ZFAT: variants seen among roughly 807,000 people sequenced by gnomAD.
ZFAT encodes zinc finger protein ZFAT.
Under a neutral mutation model 117.7 loss-of-function variants are expected in ZFAT, and 64 were observed. That is an observed-to-expected ratio of 0.54 (90% CI 0.44 to 0.67). The LOEUF is 0.67. ZFAT is among the 30% of genes least tolerant of loss of function. The pLI, the probability that ZFAT is intolerant of heterozygous loss-of-function variation, is 0.00. For synonymous variants in ZFAT, 679 were observed against 615.0 expected (o/e 1.10, Z -1.54); for missense variants, 1,433 against 1,584.5 (o/e 0.90, Z 1.62).
the ZFAT span, among the ~76,000 whole-genome samples, chr8:134,746,393 G>A: frequency 9.8e-5 from 15 of 152,294 alleles, no homozygotes; most frequent in African/African-American, 1.4e-4. Context: ...GTAGAACACC[G>A]CAAGACCATC....
chr8:134,825,291 C>T, the ZFAT span, among the ~76,000 whole-genome samples: 408 of 152,282 alleles, frequency 2.7e-3, 2 homozygotes, highest in African/African-American at 8.9e-3. Context: ...TGTTTTAGAA[C>T]GAAACAATTA....
At chr8:134,525,714 G>A (rs574536871) in intron 12 of ZFAT, among the ~76,000 whole-genome samples, 14 of 152,266 alleles carry the variant, frequency 9.2e-5, no homozygotes, top group Non-Finnish European at 1.8e-4. Flanking sequence ...CAGCACCTCC[G>A]CCCACTGCTT....
chr8:134,640,234 G>A (rs12543474), intron 2 of ZFAT, among the ~76,000 whole-genome samples: 1 of 152,102 alleles, frequency 6.6e-6, no homozygotes, highest in African/African-American at 2.4e-5. Context: ...AAAGCTGAGA[G>A]AGGCCGCAGG....
At chr8:134,498,154 T>C (rs80281316) in intron 15 of ZFAT, among the ~76,000 whole-genome samples, 3 of 40,390 alleles carry the variant, frequency 7.4e-5, no homozygotes, top group South Asian at 1.3e-3. Context: ...GGGGTGGAGC[T>C]GGGATGCCCC....
intron 1 of ZFAT, among the ~76,000 whole-genome samples, chr8:134,699,938 C>T (rs1833966611): frequency 6.6e-6 from 1 of 152,198 alleles, no homozygotes; most frequent in African/African-American, 2.4e-5. Context: ...AGCTAAGTGG[C>T]ATACAGGCAG....
chr8:134,502,167 T>A (rs1019515154), intron 15 of ZFAT, among the ~76,000 whole-genome samples: 2 of 152,232 alleles, frequency 1.3e-5, no homozygotes, highest in Admixed American at 1.3e-4. Flanking sequence ...ATGTTCAACA[T>A]CTGCCCCCCG....
At chr8:134,512,919 T>G (rs761680331) in intron 13 of ZFAT, among the ~76,000 whole-genome samples, 2 of 152,240 alleles carry the variant, frequency 1.3e-5, no homozygotes, top group Non-Finnish European at 2.9e-5. Flanking sequence ...TACACTTAGA[T>G]TCTAACGGCT....
chr8:134,644,014 T>C (rs1447065100), intron 2 of ZFAT, among the ~76,000 whole-genome samples: 1 of 152,194 alleles, frequency 6.6e-6, no homozygotes, highest in Non-Finnish European at 1.5e-5. Flanking sequence ...GATTTAAACA[T>C]AGACATCAAC....
At chr8:134,724,939 T>C in the ZFAT span, among the ~76,000 whole-genome samples, 4,475 of 152,218 alleles carry the variant, frequency 0.029, 223 homozygotes, top group African/African-American at 0.1. Flanking sequence ...CCTCTCCACC[T>C]GTGCTCTCCA....
the ZFAT span, among the ~76,000 whole-genome samples, chr8:134,734,972 G>T: frequency 6.6e-6 from 1 of 152,088 alleles, no homozygotes. Flanking sequence ...AGTCTCCAGG[G>T]CCATGAACCA....
At chr8:134,785,259 C>T in the ZFAT span, 1 of 152,216 alleles carries the variant, frequency 6.6e-6, no homozygotes, top group African/African-American at 2.4e-5. Context: ...GTAATTTGGA[C>T]ACTTCCTTTG....
chr8:134,807,054 AAC>A, the ZFAT span, among the ~76,000 whole-genome samples: 1 of 152,232 alleles, frequency 6.6e-6, no homozygotes, highest in East Asian at 1.9e-4. Context: ...AAATGGGCAA[AAC>A]ACACATGCAT....
intron 1 of ZFAT, among the ~76,000 whole-genome samples, chr8:134,668,324 C>T (rs1003706559): frequency 3.9e-5 from 6 of 152,200 alleles, no homozygotes; most frequent in Non-Finnish European, 7.3e-5. Flanking sequence ...GTCCCTGACC[C>T]CTGAGTAGCC....
At chr8:134,769,202 A>G in the ZFAT span, among the ~76,000 whole-genome samples, 2 of 152,206 alleles carry the variant, frequency 1.3e-5, no homozygotes, top group African/African-American at 4.8e-5. Flanking sequence ...AAAAGGCCAC[A>G]GTCCAAAGTC....
intron 15 of ZFAT, among the ~76,000 whole-genome samples, chr8:134,500,377 A>C (rs951199950): frequency 1.4e-4 from 22 of 152,226 alleles, no homozygotes; most frequent in Non-Finnish European, 1.5e-5. Flanking sequence ...AAAAGGAAGA[A>C]AAGTGAAGTT....
intron 1 of ZFAT, among the ~76,000 whole-genome samples, chr8:134,704,797 C>A (rs574338016): frequency 4.0e-5 from 6 of 151,682 alleles, no homozygotes; most frequent in Admixed American, 1.3e-4. Flanking sequence ...TGGATATCCA[C>A]GTGCAAGAAA....
At chr8:134,611,488 G>A (rs1828327269) in intron 3 of ZFAT, among the ~76,000 whole-genome samples, 1 of 152,212 alleles carries the variant, frequency 6.6e-6, no homozygotes, top group African/African-American at 2.4e-5. Flanking sequence ...GCCCTAGAGG[G>A]CCCTGAATGG....
Position 134,601,779 on chromosome 8 carries a change from C to T in ZFAT, c.1940G>A (p.Ser647Asn). The change falls in exon 6 of 16, where the codon AGC (serine) becomes AAC (asparagine). Residue 647 changes from serine (S) to asparagine (N), a missense_variant. Physicochemically the swap from Ser to Asn is conservative, Grantham distance 46. Coordinates refer to ENST00000377838, the MANE Select transcript of ZFAT (RefSeq NM_020863.4). ...CCCTAGGGGGCTCTGGGCGCCATGG[C>T]TTTCCTGATCTGACCCAGCACTCTG... ...KAQSAGSDQE[S>N]HGAQSPLGEG... is the part of the protein sequence containing the mutation. 2 of 1,613,914 alleles carry T rather than the reference C, an allele frequency of 1.2e-6. No homozygotes were observed. Among genetic ancestry groups the T allele is most frequent in the Non-Finnish European group, 1.7e-6 (2 of 1,179,946 alleles).
intron 1 of ZFAT, among the ~76,000 whole-genome samples, chr8:134,675,289 C>T (rs1023217094): frequency 3.9e-5 from 6 of 151,976 alleles, no homozygotes; most frequent in African/African-American, 9.7e-5. Flanking sequence ...AAACACAGCA[C>T]GAAAATTTCA....
Sources: gnomAD v4.1 joint callset for allele counts (sites outside exome capture counted in the v4.1 genomes callset) on GRCh38, gnomAD v4.1.1 for gene constraint, MANE v1.5 for transcripts, NCBI Gene and HGNC (gene_info 2026-07-23, HGNC 2026-07-21) for gene names.